The following SBF2 variants were observed in gnomAD, a reference collection of about 807,000 sequenced individuals.
SBF2 encodes SET binding factor 2.
A neutral mutation model predicts 225.2 loss-of-function variants in SBF2; 112 were observed. That is an observed-to-expected ratio of 0.50 (90% CI 0.43 to 0.58). The LOEUF (loss-of-function observed/expected upper bound fraction) is 0.58, where lower values mean the gene tolerates loss of function less well. Ranked by LOEUF, SBF2 falls within the 20% of genes least tolerant of loss-of-function variation. The probability of loss-of-function intolerance (pLI) is 0.00; values close to 1 mark genes in which losing one functional copy is unlikely to be tolerated. For synonymous variants in SBF2, 763 were observed against 773.3 expected (o/e 0.99, Z 0.22); for missense variants, 1,996 against 2,206.2 (o/e 0.90, Z 1.91).
chr11:9,873,205 C>CAAAAAAAAA (rs56013344), intron 17 of SBF2, among the ~76,000 whole-genome samples: 1 of 60,646 alleles, frequency 1.6e-5, no homozygotes, highest in Non-Finnish European at 2.7e-5. Context: ...GACTCTGTCT[C>CAAAAAAAAA]AAAAAAAAAA....
At chr11:10,171,077 T>C (rs1018083892) in intron 2 of SBF2, among the ~76,000 whole-genome samples, 1 of 152,214 alleles carries the variant, frequency 6.6e-6, no homozygotes, top group East Asian at 1.9e-4. Context: ...AGATCCATCA[T>C]CTGCAAAGAA....
intron 17 of SBF2, among the ~76,000 whole-genome samples, chr11:9,889,671 T>C (rs1860631584): frequency 6.6e-6 from 1 of 152,132 alleles, no homozygotes; most frequent in South Asian, 2.1e-4. Flanking sequence ...TTAGCAGTCT[T>C]AACGAAATCT....
chr11:9,908,495 C>G (rs949403062), intron 16 of SBF2, among the ~76,000 whole-genome samples: 7 of 149,756 alleles, frequency 4.7e-5, no homozygotes, highest in Non-Finnish European at 7.4e-5. Flanking sequence ...GGCGTGGTGG[C>G]GGGCGCCTGT....
chr11:10,202,746 C>T lies in SBF2; in HGVS notation c.56-8759G>A, dbSNP rs562839467. On this transcript the variant is annotated intron_variant, in intron 1 of 39. Transcript: ENST00000256190. ...GAGCTTGCAGTGAGCTGAGATTGCG[C>T]CACTGCACTCCAGCCTGGGTGACAG... is the stretch of plus-strand genomic sequence containing the variant. Among the ~76,000 whole-genome samples, 10 of 152,276 alleles carry T rather than the reference C, an allele frequency of 6.6e-5. No individual in the cohort carries two copies. The South Asian group carries it at 2.1e-3, about 32-fold the overall frequency.
intron 17 of SBF2, among the ~76,000 whole-genome samples, chr11:9,885,547 T>A (rs1311141722): frequency 6.6e-6 from 1 of 152,166 alleles, no homozygotes; most frequent in Non-Finnish European, 1.5e-5. Flanking sequence ...ACAGCAATAA[T>A]CTTACTGGTT....
At chr11:9,858,807 C>A (rs544968933) in intron 17 of SBF2, among the ~76,000 whole-genome samples, 80 of 152,208 alleles carry the variant, frequency 5.3e-4, no homozygotes, top group African/African-American at 1.8e-3. Flanking sequence ...TTTAAAGAGA[C>A]AGCAACTGAA....
chr11:10,206,399 G>A (rs1286016389), intron 1 of SBF2, among the ~76,000 whole-genome samples: 1 of 151,920 alleles, frequency 6.6e-6, no homozygotes, highest in Admixed American at 6.6e-5. Flanking sequence ...TGGTCTACAT[G>A]CTAACTCTAA....
At chr11:10,060,209 C>A (rs1357174211) in intron 2 of SBF2, among the ~76,000 whole-genome samples, 1 of 151,974 alleles carries the variant, frequency 6.6e-6, no homozygotes, top group Non-Finnish European at 1.5e-5. Context: ...ACTACTGAAC[C>A]CACAGAAACA....
chr11:10,059,964 CA>C (rs768994732), intron 2 of SBF2, among the ~76,000 whole-genome samples: 2 of 151,986 alleles, frequency 1.3e-5, no homozygotes, highest in Non-Finnish European at 2.9e-5. Flanking sequence ...CTTCACAAAG[CA>C]AAAGAATTAG....
chr11:10,058,513 TTATG>T (rs1376963344), intron 2 of SBF2, among the ~76,000 whole-genome samples: 2 of 152,060 alleles, frequency 1.3e-5, no homozygotes, highest in African/African-American at 2.4e-5. Flanking sequence ...AAGTATGAGA[TTATG>T]TAAACAGAAA....
intron 30 of SBF2, 117 bp downstream of exon 30, chr11:9,812,415 A>C: frequency 9.5e-7 from 1 of 1,053,604 alleles, no homozygotes; most frequent in Non-Finnish European, 1.4e-6. Context: ...ACAATGAAGG[A>C]GGAGAATGTT....
intron 28 of SBF2, among the ~76,000 whole-genome samples, chr11:9,818,572 C>G (rs1295768957): frequency 6.6e-6 from 1 of 152,138 alleles, no homozygotes; most frequent in Non-Finnish European, 1.5e-5. Flanking sequence ...GTTTGAGAAG[C>G]TTTAGTCTTT....
At chr11:9,923,803 G>A (rs1309759529) in intron 16 of SBF2, among the ~76,000 whole-genome samples, 1 of 152,064 alleles carries the variant, frequency 6.6e-6, no homozygotes, top group African/African-American at 2.4e-5. Context: ...GCCCCAAATG[G>A]CCACCTAAAC....
chr11:10,116,111 G>A (rs961812905), intron 2 of SBF2, among the ~76,000 whole-genome samples: 4 of 152,276 alleles, frequency 2.6e-5, no homozygotes, highest in Admixed American at 6.5e-5. Flanking sequence ...GGAGCTTGCC[G>A]TGAGCCGAGA....
In SBF2 at chr11:9,993,070, A is replaced by G. The variant is rs1947511480; in HGVS notation, c.1087T>C (p.Phe363Leu). The G allele has an allele frequency of 6.2e-7, 1 of 1,612,462 alleles. No individual in the cohort carries two copies. The highest frequency in any genetic ancestry group is 1.7e-5 in the Admixed American group (1 of 59,994). The change falls in exon 11 of 40, where the codon TTT becomes CTT. Residue 363 changes from phenylalanine (F) to leucine (L), a missense_variant. Transcript: ENST00000256190. Reference sequence around the variant, plus strand: ...CTATATCCTTGGAAGAGTTGTGCAAATAATCTAAGGAAAACGGCTCGCACC... The same window carrying G: ...CTATATCCTTGGAAGAGTTGTGCAAGTAATCTAAGGAAAACGGCTCGCACC... ...KEVRAVFLRL[F>L]AQLFQGYRSC...
intron 2 of SBF2, among the ~76,000 whole-genome samples, chr11:10,187,906 C>T (rs1157012776): frequency 1.3e-5 from 2 of 152,134 alleles, no homozygotes; most frequent in African/African-American, 4.8e-5. Context: ...GAATAAATCC[C>T]TGCAATGTGC....
At chr11:10,050,612 C>T (rs1950025784) in intron 2 of SBF2, among the ~76,000 whole-genome samples, 1 of 152,084 alleles carries the variant, frequency 6.6e-6, no homozygotes, top group South Asian at 2.1e-4. Flanking sequence ...ACTTGCCCTT[C>T]TTATGATAAT....
intron 1 of SBF2, among the ~76,000 whole-genome samples, chr11:10,222,814 T>C (rs545594736): frequency 8.1e-4 from 123 of 152,154 alleles, no homozygotes; most frequent in Non-Finnish European, 1.5e-3. Flanking sequence ...GCGATGACCC[T>C]GAGCAGCAGG....
intron 2 of SBF2, among the ~76,000 whole-genome samples, chr11:10,054,786 C>A (rs369215504): frequency 1.1e-4 from 16 of 151,914 alleles, no homozygotes; most frequent in African/African-American, 3.6e-4. Flanking sequence ...ATACAAACGG[C>A]CAGGAAACAT....
Sources: gnomAD v4.1 joint callset for allele counts (sites outside exome capture counted in the v4.1 genomes callset) on GRCh38, gnomAD v4.1.1 for gene constraint, MANE v1.5 for transcripts, NCBI Gene and HGNC (gene_info 2026-07-23, HGNC 2026-07-21) for gene names.